The following USH2A variants were observed in gnomAD, a reference collection of about 807,000 sequenced individuals.
USH2A encodes the protein Usher syndrome 2A (autosomal recessive, mild).
A neutral mutation model predicts 538.9 loss-of-function variants in USH2A; 443 were observed. The observed-to-expected ratio is 0.82, with a 90% CI of 0.76 to 0.89. The LOEUF (loss-of-function observed/expected upper bound fraction) is 0.89. Among genes scored for constraint, USH2A ranks in the 40% least tolerant of loss-of-function variants. The probability of loss-of-function intolerance (pLI) is 0.00; values close to 1 mark genes in which losing one functional copy is unlikely to be tolerated. For synonymous variants in USH2A, 2,413 were observed against 2,273.5 expected (o/e 1.06, Z -1.75); for missense variants, 6,633 against 6,324.8 (o/e 1.05, Z -1.65).
In USH2A at chr1:215,648,770, T is replaced by C; in HGVS notation, c.14344-4A>G. The C allele has an allele frequency of 6.2e-7, 1 of 1,612,914 alleles. No homozygotes were observed. Among genetic ancestry groups the C allele is most frequent in the Non-Finnish European group, 8.5e-7 (1 of 1,179,066 alleles). ...GGGTGGCCATGCCTTCGGATAGCTGTGGAAGGAAGGAAGGCTAGATAAAGG... is the reference window on the plus strand; with the variant it reads ...GGGTGGCCATGCCTTCGGATAGCTGCGGAAGGAAGGAAGGCTAGATAAAGG... On this transcript the variant is annotated splice_region_variant and splice_polypyrimidine_tract_variant and intron_variant, in intron 65 of 71. Coordinates refer to ENST00000307340, the MANE Select transcript of USH2A (RefSeq NM_206933.4).
At chr1:215,912,929 A>G (rs2102481366) in intron 38 of USH2A, among the ~76,000 whole-genome samples, 1 of 152,180 alleles carries the variant, frequency 6.6e-6, no homozygotes, top group Admixed American at 6.6e-5. Flanking sequence ...CAGCCATACC[A>G]TGAATTAGAT....
chr1:216,257,826 T>G (rs189847236), intron 11 of USH2A, among the ~76,000 whole-genome samples: 1 of 152,214 alleles, frequency 6.6e-6, no homozygotes, highest in Admixed American at 6.6e-5. Context: ...ATAAATGTTT[T>G]ATGTTTAATG....
chr1:216,052,588 T>G (rs74143920), intron 30 of USH2A, among the ~76,000 whole-genome samples: 4,198 of 152,232 alleles, frequency 0.028, 217 homozygotes, highest in African/African-American at 0.095. Context: ...ATAATTTTCC[T>G]TAAAGGCAGT....
At chr1:215,636,047 G>C (rs1019079308) in intron 69 of USH2A, among the ~76,000 whole-genome samples, 3 of 152,164 alleles carry the variant, frequency 2.0e-5, no homozygotes, top group African/African-American at 7.2e-5. Context: ...CTGTGGATCT[G>C]ATGCAGCGGC....
intron 9 of USH2A, among the ~76,000 whole-genome samples, chr1:216,296,571 C>T (rs1345968199): frequency 2.0e-5 from 3 of 151,844 alleles, no homozygotes; most frequent in African/African-American, 2.4e-5. Context: ...ATATTAATGT[C>T]CAAAGAAAGT....
chr1:216,260,859 C>T (rs1376101828), intron 11 of USH2A, among the ~76,000 whole-genome samples: 1 of 152,120 alleles, frequency 6.6e-6, no homozygotes, highest in African/African-American at 2.4e-5. Context: ...CACAACTCCC[C>T]TTCTACACAG....
intron 55 of USH2A, 99 bp downstream of exon 55, chr1:215,779,744 T>C: frequency 7.1e-7 from 1 of 1,417,434 alleles, no homozygotes; most frequent in Non-Finnish European, 9.7e-7. Flanking sequence ...CCTTTCGAAG[T>C]GACCTCATAT....
rs111033385 is a variant in USH2A, at chr1:215,674,781, G to A, written c.13130C>T (p.Ser4377Leu). 6 of 1,614,020 alleles carry A rather than the reference G, an allele frequency of 3.7e-6. No homozygotes were observed. In the African/African-American group the frequency reaches 6.7e-5, roughly 18 times the overall value. ...CTTTCCATTTTGCACTGTGGGCGGT[G>A]ACCAACATACATTCATTTGAGTGGC... ...VSATQMNVCW[S>L]PPTVQNGKIT... The change falls in exon 63 of 72, where the codon TCA becomes TTA. Residue 4377 changes from serine to leucine, a missense_variant. By Grantham distance (145) the Ser-to-Leu change is moderately radical. Coordinates refer to ENST00000307340, the MANE Select transcript of USH2A (RefSeq NM_206933.4).
intron 67 of USH2A, among the ~76,000 whole-genome samples, chr1:215,644,433 C>T (rs894809608): frequency 2.6e-5 from 4 of 151,888 alleles, no homozygotes; most frequent in Non-Finnish European, 5.9e-5. Flanking sequence ...GATGAACTCA[C>T]CTGATGAGGG....
chr1:215,732,544 C>CCTTTTTTTTTT (rs1660028581), intron 60 of USH2A, among the ~76,000 whole-genome samples: 1 of 73,558 alleles, frequency 1.4e-5, no homozygotes, highest in African/African-American at 6.1e-5. Flanking sequence ...TTTTTTCTTT[C>CCTTTTTTTTTT]TTTTTTTTTT....
chr1:215,856,930 A>G (rs919383558), intron 44 of USH2A, among the ~76,000 whole-genome samples: 2 of 151,736 alleles, frequency 1.3e-5, no homozygotes, highest in African/African-American at 4.8e-5. Context: ...CCTTGATGGA[A>G]CTGGAGACCA....
intron 4 of USH2A, among the ~76,000 whole-genome samples, chr1:216,355,307 A>AAAGAAAG (rs2038363602): frequency 5.8e-5 from 6 of 103,408 alleles, no homozygotes; most frequent in East Asian, 5.3e-4. Flanking sequence ...CTCTGCTTCA[A>AAAGAAAG]AAAGAAAGAA....
At chr1:215,906,920 A>T (rs1665652760) in intron 38 of USH2A, among the ~76,000 whole-genome samples, 1 of 151,964 alleles carries the variant, frequency 6.6e-6, no homozygotes, top group Non-Finnish European at 1.5e-5. Context: ...AAGGCAGAAA[A>T]CTTAAAAGTC....
chr1:215,950,409 T>G (rs1202431728), intron 37 of USH2A, among the ~76,000 whole-genome samples: 3 of 152,000 alleles, frequency 2.0e-5, no homozygotes, highest in South Asian at 2.1e-4. Flanking sequence ...TGTAGTAAGA[T>G]CTCAATACAT....
chr1:216,196,836 A>G (rs986735410), intron 18 of USH2A, 114 bp from the exon 19 acceptor site: 8 of 1,298,110 alleles, frequency 6.2e-6, no homozygotes, highest in African/African-American at 3.0e-5. Flanking sequence ...CTTTTAAAAT[A>G]TTCTGCTTTG....
At chr1:215,863,739 C>A (rs963245085) in intron 44 of USH2A, among the ~76,000 whole-genome samples, 1 of 151,772 alleles carries the variant, frequency 6.6e-6, no homozygotes, top group Non-Finnish European at 1.5e-5. Context: ...CTTTAGGAGG[C>A]CAAGGAGAGA....
intron 38 of USH2A, among the ~76,000 whole-genome samples, chr1:215,907,845 A>G (rs1415635885): frequency 6.6e-6 from 1 of 152,036 alleles, no homozygotes; most frequent in Non-Finnish European, 1.5e-5. Context: ...GGATGAATCA[A>G]TGGTTGGAAA....
chr1:215,948,793 G>A (rs889579437), intron 37 of USH2A, among the ~76,000 whole-genome samples: 7 of 152,042 alleles, frequency 4.6e-5, no homozygotes, highest in African/African-American at 1.7e-4. Flanking sequence ...AGGAATATTT[G>A]AAACATCTTA....
intron 11 of USH2A, among the ~76,000 whole-genome samples, chr1:216,264,067 C>A (rs1283988660): frequency 6.6e-6 from 1 of 151,670 alleles, no homozygotes; most frequent in Non-Finnish European, 1.5e-5. Context: ...AAGTTCTGTA[C>A]AAGGAAAACT....
Sources: gnomAD v4.1 joint callset for allele counts (sites outside exome capture counted in the v4.1 genomes callset) on GRCh38, gnomAD v4.1.1 for gene constraint, MANE v1.5 for transcripts, NCBI Gene and HGNC (gene_info 2026-07-23, HGNC 2026-07-21) for gene names.